SERINC1: variants seen among roughly 807,000 people sequenced by gnomAD.
SERINC1 encodes serine incorporator 1.
SERINC1 carries 38 observed loss-of-function variants against 52.9 expected under a neutral mutation model. The ratio of observed to expected loss-of-function variants is 0.72; its 90% CI spans 0.55 to 0.94. The LOEUF (loss-of-function observed/expected upper bound fraction) is 0.94, where lower values mean the gene tolerates loss of function less well. SERINC1 is among the 40% of genes least tolerant of loss of function. The probability of loss-of-function intolerance (pLI) is 0.00; values close to 1 mark genes in which losing one functional copy is unlikely to be tolerated. For missense variants in SERINC1, 471 were observed against 533.9 expected, an observed-to-expected ratio of 0.88 and a Z score of 1.16; for synonymous variants, 198 against 183.1, an observed-to-expected ratio of 1.08 and a Z score of -0.66.
chr6:122,456,660 CAA>C lies in SERINC1; in HGVS notation c.202-12_202-11del, dbSNP rs751127357. The C allele has an allele frequency of 1.7e-5, 26 of 1,549,156 alleles. No individual in the cohort carries two copies. Among genetic ancestry groups the C allele is most frequent in the East Asian group, 9.3e-5 (4 of 43,056 alleles). ...CACAAAATCCAGGAATCTAGAAAAA[CAA>C]AAGAGTTTATGATCCATCATTTTTT... On this transcript the variant is annotated splice_polypyrimidine_tract_variant and intron_variant, in intron 2 of 9. Transcript: ENST00000339697.
At chr6:122,446,523 A>C (rs921133716) in intron 9 of SERINC1, among the ~76,000 whole-genome samples, 2 of 152,218 alleles carry the variant, frequency 1.3e-5, no homozygotes, top group Non-Finnish European at 2.9e-5. Flanking sequence ...GATTTTTGTA[A>C]AAAGTATTAG....
chr6:122,459,438 A>G (rs1775061049), intron 1 of SERINC1, among the ~76,000 whole-genome samples: 1 of 152,206 alleles, frequency 6.6e-6, no homozygotes, highest in South Asian at 2.1e-4. Context: ...CTCTAGGGGA[A>G]AAGAGTCTTA....
intron 2 of SERINC1, among the ~76,000 whole-genome samples, chr6:122,457,660 A>G (rs1035787790): frequency 1.3e-5 from 2 of 152,254 alleles, no homozygotes; most frequent in African/African-American, 2.4e-5. Context: ...GTAAACCAGG[A>G]ATAAGATCCT....
At chr6:122,449,006 T>G (rs912929546) in intron 7 of SERINC1, among the ~76,000 whole-genome samples, 4 of 152,196 alleles carry the variant, frequency 2.6e-5, no homozygotes, top group African/African-American at 7.2e-5. Context: ...TGACCTATTA[T>G]GTTACTATTG....
At chr6:122,449,140 C>G (rs1236865321) in intron 7 of SERINC1, among the ~76,000 whole-genome samples, 1 of 152,134 alleles carries the variant, frequency 6.6e-6, no homozygotes, top group Non-Finnish European at 1.5e-5. Context: ...CTCCTTGGGC[C>G]TATTTCAAGA....
chr6:122,460,220 GC>G (rs2114485956), intron 1 of SERINC1, among the ~76,000 whole-genome samples: 1 of 152,232 alleles, frequency 6.6e-6, no homozygotes, highest in East Asian at 1.9e-4. Flanking sequence ...TTGCAGGCGT[GC>G]ACCACCACAC....
At position 122,445,166 on chromosome 6, in the gene SERINC1, G is replaced by C. The variant is rs145798808; in HGVS notation, c.1240C>G (p.Arg414Gly). ...LTNWYRYEPS[R>G]EMKSQWTAVW... ...GCTGTCCACTGACTTTTCATCTCAC[G>C]AGAGGGTTCATACCTAAAATTTCAG... is the stretch of plus-strand genomic sequence containing the variant. The change falls in exon 10 of 10, where the codon CGT becomes GGT. Residue 414 changes from arginine (R) to glycine (G), a missense_variant. Coordinates refer to ENST00000339697, the MANE Select transcript of SERINC1 (RefSeq NM_020755.4). 6.2e-7 allele frequency: 1 copy of C among 1,613,672 alleles called. No individual in the cohort carries two copies. The highest frequency in any genetic ancestry group is 1.3e-5 in the African/African-American group (1 of 75,008).
chr6:122,463,294 T>C (rs1164504332), intron 1 of SERINC1, among the ~76,000 whole-genome samples: 5 of 152,262 alleles, frequency 3.3e-5, no homozygotes, highest in Admixed American at 6.5e-5. Flanking sequence ...AAACCATATA[T>C]GAGAATTAAG....
At chr6:122,454,491 T>C (rs868642320) in intron 3 of SERINC1, 9 of 326,428 alleles carry the variant, frequency 2.8e-5, no homozygotes, top group East Asian at 2.1e-4. Context: ...ATCTTTCCAA[T>C]TGGAAAAAAC....
At chr6:122,445,309 A>C in intron 9 of SERINC1, 130 bp from the exon 10 acceptor site, 1 of 834,358 alleles carries the variant, frequency 1.2e-6, no homozygotes, top group East Asian at 2.7e-5. Flanking sequence ...TCATTGCTGC[A>C]TCTAATCTGC....
intron 2 of SERINC1, 74 bp downstream of exon 2, chr6:122,458,446 C>A: frequency 1.0e-6 from 1 of 974,354 alleles, no homozygotes; most frequent in Non-Finnish European, 1.5e-6. Context: ...TTACAATATC[C>A]CCGAATCAAT....
At chr6:122,448,107 A>C (rs1023967151) in intron 7 of SERINC1, among the ~76,000 whole-genome samples, 1 of 137,808 alleles carries the variant, frequency 7.3e-6, no homozygotes, top group Non-Finnish European at 1.6e-5. Context: ...ACTCTGTCTC[A>C]AAAAAAAAAA....
chr6:122,446,748 C>A (rs576401601), intron 9 of SERINC1, 26 bp downstream of exon 9: 73 of 1,463,106 alleles, frequency 5.0e-5, no homozygotes, highest in Non-Finnish European at 6.7e-5. Context: ...ATTCACACAT[C>A]CAGAGTTTTC....
intron 1 of SERINC1, among the ~76,000 whole-genome samples, chr6:122,465,866 T>A (rs1190550103): frequency 2.6e-5 from 4 of 152,128 alleles, no homozygotes; most frequent in African/African-American, 7.2e-5. Context: ...ACAGGGTATA[T>A]CATAAAGATA....
chr6:122,451,776 A>AAATAT, intron 6 of SERINC1, 22 bp from the exon 7 acceptor site: 1,707 of 112,384 alleles, frequency 0.015, 63 homozygotes, highest in African/African-American at 0.024. Context: ...AAAAAAAAAA[A>AAATAT]ATATATATAT....
At chr6:122,465,054 T>C (rs931643094) in intron 1 of SERINC1, among the ~76,000 whole-genome samples, 5 of 151,956 alleles carry the variant, frequency 3.3e-5, no homozygotes, top group African/African-American at 1.2e-4. Flanking sequence ...AAAGAAAGAA[T>C]AAAATGTAAA....
intron 1 of SERINC1, among the ~76,000 whole-genome samples, chr6:122,462,494 C>T (rs1047658042): frequency 6.6e-6 from 1 of 152,110 alleles, no homozygotes; most frequent in South Asian, 2.1e-4. Context: ...CCATGGCTCA[C>T]ACCTGTAATC....
chr6:122,458,510 C>T lies in SERINC1; in HGVS notation c.201+10G>A, dbSNP rs1379891163. On this transcript the variant is annotated intron_variant, in intron 2 of 9. Coordinates refer to ENST00000339697, the MANE Select transcript of SERINC1 (RefSeq NM_020755.4). ...CCTCAGTTAATCAATAAATAAGAAA[C>T]GAGACTAACCTTATTCAGTTGTTCT... is the stretch of plus-strand genomic sequence containing the variant. 2.5e-6 allele frequency: 4 copies of T among 1,599,128 alleles called. No individual in the cohort carries two copies. The highest frequency in any genetic ancestry group is 1.1e-5 in the South Asian group (1 of 90,028).
chr6:122,467,272 A>G (rs1775206859), intron 1 of SERINC1, among the ~76,000 whole-genome samples: 1 of 152,174 alleles, frequency 6.6e-6, no homozygotes, highest in African/African-American at 2.4e-5. Flanking sequence ...TTAGAGATGC[A>G]TACAGCTGGG....
Sources: allele counts gnomAD v4.1 joint callset (sites outside exome capture counted in the v4.1 genomes callset), GRCh38; gene constraint gnomAD v4.1.1; transcripts MANE v1.5; gene names NCBI Gene and HGNC (gene_info 2026-07-23, HGNC 2026-07-21).